CENPP: variants seen among roughly 807,000 people sequenced by gnomAD.
The protein encoded by CENPP is centromere protein P.
A neutral mutation model predicts 35.6 loss-of-function variants in CENPP; 24 were observed. The observed-to-expected ratio is 0.67, with a 90% CI of 0.49 to 0.95. The LOEUF (loss-of-function observed/expected upper bound fraction) is 0.95. Among genes scored for constraint, CENPP ranks in the 40% least tolerant of loss-of-function variants. The pLI is 0.00. For synonymous variants in CENPP, 120 were observed against 125.5 expected (o/e 0.96, Z 0.29); for missense variants, 332 against 345.3 (o/e 0.96, Z 0.31).
chr9:92,349,240 G>A (rs1249308843), intron 4 of CENPP, among the ~76,000 whole-genome samples: 1 of 151,990 alleles, frequency 6.6e-6, no homozygotes, highest in Non-Finnish European at 1.5e-5. Context: ...CTGCCAGTGG[G>A]CCCATTTAAG....
rs775370732 is a variant in CENPP at position 92,509,930 on chromosome 9, A to G, written c.565-101384A>G. ...AACTTTCTTCATCGATAGCCTGAAG[A>G]TTGTTCTCATTGACTTTAAGTTCTT... On this transcript the variant is annotated intron_variant, in intron 5 of 7. Coordinates refer to ENST00000375587, the MANE Select transcript of CENPP (RefSeq NM_001012267.3). 6.8e-6 allele frequency: 11 copies of G among 1,606,602 alleles called. No homozygotes were observed. The East Asian group carries it at 2.2e-4, about 33-fold the overall frequency.
chr9:92,455,707 T>C (rs1844853182), intron 5 of CENPP, among the ~76,000 whole-genome samples: 2 of 152,230 alleles, frequency 1.3e-5, no homozygotes, highest in Admixed American at 1.3e-4. Context: ...GTGATTATCT[T>C]TCATAGCATA....
At chr9:92,353,003 A>C (rs767303575) in intron 4 of CENPP, among the ~76,000 whole-genome samples, 1 of 152,162 alleles carries the variant, frequency 6.6e-6, no homozygotes, top group African/African-American at 2.4e-5. Context: ...AGACAATAAT[A>C]GTCATAATTG....
chr9:92,478,106 G>T (rs978638355), intron 5 of CENPP, among the ~76,000 whole-genome samples: 4 of 151,716 alleles, frequency 2.6e-5, no homozygotes, highest in Non-Finnish European at 5.9e-5. Flanking sequence ...TATAAGCAAA[G>T]CATTTTTTTT....
intron 5 of CENPP, among the ~76,000 whole-genome samples, chr9:92,465,820 T>G (rs1315347279): frequency 6.6e-6 from 1 of 151,842 alleles, no homozygotes; most frequent in African/African-American, 2.4e-5. Flanking sequence ...CCACGCTAAG[T>G]GTTTCAAAGG....
rs535175816 is a variant in CENPP, at chr9:92,612,672, C to G, written c.736+58C>G. The G allele has an allele frequency of 9.5e-6, 12 of 1,258,812 alleles. No individual in the cohort carries two copies. In the South Asian group the frequency reaches 1.4e-4, roughly 15 times the overall value. The allele number at this position is 1,258,812 out of a possible 1,614,324, so 78.0% of individuals were successfully genotyped here. A position where few individuals can be genotyped will look rare whatever the true frequency, so the allele number is the denominator to read the frequency against. On this transcript the variant is annotated intron_variant, in intron 7 of 7. Coordinates refer to ENST00000375587, the MANE Select transcript of CENPP (RefSeq NM_001012267.3). ...TTCTCAACATGCCCAGCAAAGCCGCCTGCCTGTTTCCTCTGGGTTTCAAAG... is the reference window on the plus strand; with the variant it reads ...TTCTCAACATGCCCAGCAAAGCCGCGTGCCTGTTTCCTCTGGGTTTCAAAG...
chr9:92,559,743 C>T (rs551126925), intron 5 of CENPP, among the ~76,000 whole-genome samples: 1 of 152,256 alleles, frequency 6.6e-6, no homozygotes, highest in African/African-American at 2.4e-5. Flanking sequence ...TCAAGAGATC[C>T]TCCTGCCTTA....
In CENPP at chr9:92,524,613, T is replaced by C. The variant is rs1270859211; in HGVS notation, c.565-86701T>C. On this transcript the variant is annotated intron_variant, in intron 5 of 7. Transcript: ENST00000375587. The stretch of plus-strand genomic sequence containing the variant: ...ACACCTATACCCCTTGCAGCTTTCC[T>C]CCTGCTCTTGCCTCAGGTCCACTCA... Among the ~76,000 whole-genome samples the C allele has an allele frequency of 2.0e-5, 3 of 152,178 alleles. No individual in the cohort carries two copies. The East Asian group carries it at 5.8e-4, about 29-fold the overall frequency.
At chr9:92,556,770 G>C (rs1849733030) in intron 5 of CENPP, among the ~76,000 whole-genome samples, 1 of 152,202 alleles carries the variant, frequency 6.6e-6, no homozygotes, top group Non-Finnish European at 1.5e-5. Flanking sequence ...TAGTTGGTTA[G>C]TGAGTCCTTA....
chr9:92,417,268 G>T (rs1420141403), intron 5 of CENPP: 1 of 1,613,964 alleles, frequency 6.2e-7, no homozygotes, highest in Non-Finnish European at 8.5e-7. Flanking sequence ...TGAACTGAAG[G>T]TAGAGTTGCT....
At chr9:92,410,918 C>T (rs1399753177) in intron 5 of CENPP, among the ~76,000 whole-genome samples, 1 of 152,184 alleles carries the variant, frequency 6.6e-6, no homozygotes, top group Non-Finnish European at 1.5e-5. Flanking sequence ...CACTCAAAGT[C>T]ACCTAGCTTA....
intron 5 of CENPP, among the ~76,000 whole-genome samples, chr9:92,566,932 A>G (rs1294553276): frequency 1.3e-5 from 2 of 152,234 alleles, no homozygotes; most frequent in African/African-American, 4.8e-5. Context: ...GAGAAACTTG[A>G]AAGCAGCAAG....
At chr9:92,505,681 T>A in intron 5 of CENPP, 1 of 1,578,016 alleles carries the variant, frequency 6.3e-7, no homozygotes, top group Non-Finnish European at 8.6e-7. Context: ...GGTGACCAAC[T>A]GATTTAAGTC....
At chr9:92,558,199 G>A (rs1025949317) in intron 5 of CENPP, among the ~76,000 whole-genome samples, 3 of 152,098 alleles carry the variant, frequency 2.0e-5, no homozygotes, top group African/African-American at 7.2e-5. Flanking sequence ...TGATTTTTGG[G>A]GGATGCTGAA....
At chr9:92,416,814 G>T (rs574387948) in intron 5 of CENPP, 3 of 1,613,810 alleles carry the variant, frequency 1.9e-6, no homozygotes, top group South Asian at 1.1e-5. Flanking sequence ...TATTTTTCGG[G>T]TATAGAAGAA....
At chr9:92,507,651 A>G (rs1316898539) in intron 5 of CENPP, among the ~76,000 whole-genome samples, 1 of 152,222 alleles carries the variant, frequency 6.6e-6, no homozygotes, top group Non-Finnish European at 1.5e-5. Flanking sequence ...CCTGGCAGGC[A>G]GCATCACATG....
intron 5 of CENPP, among the ~76,000 whole-genome samples, chr9:92,452,874 A>G (rs1202900745): frequency 4.6e-5 from 7 of 152,184 alleles, no homozygotes; most frequent in Admixed American, 2.6e-4. Flanking sequence ...TAGATTTTCT[A>G]GTTTATTTGC....
At chr9:92,485,003 T>C (rs1846021520) in intron 5 of CENPP, among the ~76,000 whole-genome samples, 1 of 152,182 alleles carries the variant, frequency 6.6e-6, no homozygotes, top group African/African-American at 2.4e-5. Flanking sequence ...GCTTATTCAC[T>C]CTGTTCTGCA....
chr9:92,366,863 C>T (rs1474616767), intron 4 of CENPP, among the ~76,000 whole-genome samples: 1 of 152,164 alleles, frequency 6.6e-6, no homozygotes, highest in African/African-American at 2.4e-5. Flanking sequence ...GCAGGTTGAA[C>T]ATCCATAATC....
Sources: gnomAD v4.1 joint callset for allele counts (sites outside exome capture counted in the v4.1 genomes callset) on GRCh38, gnomAD v4.1.1 for gene constraint, MANE v1.5 for transcripts, NCBI Gene and HGNC (gene_info 2026-07-23, HGNC 2026-07-21) for gene names.